The following NAV2 variants were observed in gnomAD, a reference collection of about 807,000 sequenced individuals.
NAV2 encodes the protein neuron navigator 2, also known as helicase, APC down-regulated 1.
NAV2 carries 54 observed loss-of-function variants against 223.2 expected under a neutral mutation model. The ratio of observed to expected loss-of-function variants is 0.24; its 90% CI spans 0.19 to 0.30. The LOEUF is 0.30. Among genes scored for constraint, NAV2 ranks in the 10% least tolerant of loss-of-function variants. The probability of loss-of-function intolerance (pLI) is 1.00; values close to 1 mark genes in which losing one functional copy is unlikely to be tolerated. For missense variants in NAV2, 2,806 were observed against 3,147.5 expected (o/e 0.89, Z 2.60); for synonymous variants, 1,279 against 1,239.3 (o/e 1.03, Z -0.67).
chr11:19,599,096 G>A (rs1035919661), intron 1 of NAV2, among the ~76,000 whole-genome samples: 3 of 152,192 alleles, frequency 2.0e-5, no homozygotes, highest in Non-Finnish European at 4.4e-5. Flanking sequence ...AGGTGACAAA[G>A]CCCTCTGTGC....
intron 1 of NAV2, among the ~76,000 whole-genome samples, chr11:19,582,279 G>A (rs2045743073): frequency 6.6e-6 from 1 of 152,160 alleles, no homozygotes; most frequent in South Asian, 2.1e-4. Context: ...TTGGTCAGAT[G>A]AGTAGATCGC....
intron 4 of NAV2, among the ~76,000 whole-genome samples, chr11:19,878,122 G>A (rs1012702572): frequency 2.0e-5 from 3 of 152,168 alleles, no homozygotes; most frequent in African/African-American, 7.2e-5. Flanking sequence ...CAGTGACTTT[G>A]CATCCTGACT....
rs1042202837 is a variant in NAV2, at chr11:20,119,362, G to A, written c.*1104G>A. ...GGGGGTATCTGTGTCCTTTAAAATG[G>A]ATGAGGACCTGGTCCTCGACATGTG... On this transcript the variant is annotated 3_prime_UTR_variant, in exon 38 of 38. Coordinates refer to ENST00000349880, the MANE Select transcript of NAV2 (RefSeq NM_145117.5). 2.6e-5 allele frequency: 4 copies of A among 152,288 alleles called. No individual in the cohort carries two copies. Among genetic ancestry groups the A allele is most frequent in the Non-Finnish European group, 5.9e-5 (4 of 68,122 alleles). 9.4% of individuals were successfully genotyped at this position (152,288 alleles called of 1,614,324 possible).
chr11:19,382,394 C>T (rs1215194277), intron 1 of NAV2, among the ~76,000 whole-genome samples: 3 of 152,196 alleles, frequency 2.0e-5, no homozygotes, highest in Non-Finnish European at 2.9e-5. Context: ...CGGGGTGAGA[C>T]AATTGTGCCG....
At chr11:20,017,250 A>C (rs1471610787) in intron 11 of NAV2, among the ~76,000 whole-genome samples, 1 of 152,126 alleles carries the variant, frequency 6.6e-6, no homozygotes, top group African/African-American at 2.4e-5. Context: ...TAATGTCCCC[A>C]CACCCGCTTA....
intron 1 of NAV2, among the ~76,000 whole-genome samples, chr11:19,830,609 C>T (rs1490287596): frequency 6.6e-6 from 1 of 152,206 alleles, no homozygotes; most frequent in Non-Finnish European, 1.5e-5. Context: ...TTATTAAGCT[C>T]CTTCTCTGCA....
intron 1 of NAV2, among the ~76,000 whole-genome samples, chr11:19,481,493 G>T (rs2042279379): frequency 6.6e-6 from 1 of 152,188 alleles, no homozygotes; most frequent in African/African-American, 2.4e-5. Context: ...AGAAAGACTT[G>T]GGTTCAAGTA....
chr11:19,825,173 T>A (rs1458920661), intron 1 of NAV2, among the ~76,000 whole-genome samples: 1 of 151,278 alleles, frequency 6.6e-6, no homozygotes, highest in South Asian at 2.1e-4. Context: ...ACACCTTTAA[T>A]CCCAGCTACT....
intron 1 of NAV2, among the ~76,000 whole-genome samples, chr11:19,678,906 C>T (rs1393652052): frequency 6.6e-6 from 1 of 152,164 alleles, no homozygotes; most frequent in East Asian, 1.9e-4. Flanking sequence ...TTCAGAATTT[C>T]CCACCACCTC....
intron 5 of NAV2, 112 bp from the exon 6 acceptor site, chr11:19,892,322 C>T: frequency 9.7e-7 from 1 of 1,031,864 alleles, no homozygotes. Flanking sequence ...CAAACCTCCA[C>T]ACAATGTCTT....
At chr11:19,502,148 T>A (rs1044873029) in intron 1 of NAV2, among the ~76,000 whole-genome samples, 17 of 152,298 alleles carry the variant, frequency 1.1e-4, no homozygotes, top group African/African-American at 4.1e-4. Context: ...TACTCTAGGT[T>A]TTTTTATTGA....
chr11:19,651,370 A>C (rs1476905371), intron 1 of NAV2, among the ~76,000 whole-genome samples: 2 of 152,220 alleles, frequency 1.3e-5, no homozygotes, highest in African/African-American at 4.8e-5. Flanking sequence ...GCCTGGGTAC[A>C]CTTCCCTTGG....
intron 1 of NAV2, among the ~76,000 whole-genome samples, chr11:19,563,830 A>G (rs1038464909): frequency 6.6e-6 from 1 of 152,212 alleles, no homozygotes; most frequent in Non-Finnish European, 1.5e-5. Context: ...CATGAAGAGA[A>G]TAGTAATAAC....
At chr11:19,361,758 T>C (rs965341682) in intron 1 of NAV2, among the ~76,000 whole-genome samples, 2 of 152,118 alleles carry the variant, frequency 1.3e-5, no homozygotes, top group South Asian at 2.1e-4. Flanking sequence ...TTTGCATTAG[T>C]AGAACATCAC....
At chr11:19,952,026 A>T (rs1806555996) in intron 10 of NAV2, among the ~76,000 whole-genome samples, 1 of 152,210 alleles carries the variant, frequency 6.6e-6, no homozygotes. Context: ...CTTGTTAAGC[A>T]TGTATCCACT....
chr11:20,066,447 C>T (rs2059047961), intron 20 of NAV2, among the ~76,000 whole-genome samples: 1 of 152,162 alleles, frequency 6.6e-6, no homozygotes, highest in Non-Finnish European at 1.5e-5. Context: ...GTCTCTGAAC[C>T]TCAGAAGGAA....
At chr11:19,432,357 C>T (rs1851067930) in intron 1 of NAV2, among the ~76,000 whole-genome samples, 1 of 152,186 alleles carries the variant, frequency 6.6e-6, no homozygotes, top group Non-Finnish European at 1.5e-5. Flanking sequence ...AGCATTTGAA[C>T]TAACCCATAG....
At chr11:19,567,156 CTT>C (rs1425629132) in intron 1 of NAV2, among the ~76,000 whole-genome samples, 1 of 152,212 alleles carries the variant, frequency 6.6e-6, no homozygotes, top group Non-Finnish European at 1.5e-5. Context: ...TTTCTCCTCT[CTT>C]GAACATCCAG....
intron 11 of NAV2, 109 bp from the exon 12 acceptor site, chr11:20,035,850 A>C: frequency 3.1e-6 from 4 of 1,303,418 alleles, no homozygotes; most frequent in South Asian, 2.8e-5. Context: ...CCGGGGCTTC[A>C]TGGCACAGAT....
Sources: allele counts gnomAD v4.1 joint callset (sites outside exome capture counted in the v4.1 genomes callset), GRCh38; gene constraint gnomAD v4.1.1; transcripts MANE v1.5; gene names NCBI Gene and HGNC (gene_info 2026-07-23, HGNC 2026-07-21).